Variants in MYRFL observed in about 807,000 individuals in gnomAD.
MYRFL encodes myelin regulatory factor like, also known as myelin regulatory factor-like protein.
MYRFL carries 88 observed loss-of-function variants against 109.4 expected under a neutral mutation model. That is an observed-to-expected ratio of 0.80 (90% CI 0.68 to 0.96). The LOEUF (loss-of-function observed/expected upper bound fraction) is 0.96. MYRFL is among the 40% of genes least tolerant of loss of function. MYRFL has a pLI of 0.00. For missense variants in MYRFL, 957 were observed against 954.9 expected (o/e 1.00, Z -0.03); for synonymous variants, 324 against 320.9 (o/e 1.01, Z -0.10).
chr12:69,871,771 T>C (rs937606079), intron 2 of MYRFL, among the ~76,000 whole-genome samples: 2 of 152,172 alleles, frequency 1.3e-5, no homozygotes, highest in Non-Finnish European at 2.9e-5. Flanking sequence ...TTCATTTTTT[T>C]TTGCTTTGTT....
At chr12:69,930,526 A>C (rs1158849204) in intron 15 of MYRFL, among the ~76,000 whole-genome samples, 1 of 152,154 alleles carries the variant, frequency 6.6e-6, no homozygotes, top group Non-Finnish European at 1.5e-5. Context: ...GGAAAGGGAA[A>C]GAATGAAGAC....
At chr12:69,858,004 A>G (rs1884404064) in intron 2 of MYRFL, among the ~76,000 whole-genome samples, 1 of 151,652 alleles carries the variant, frequency 6.6e-6, no homozygotes, top group Admixed American at 6.6e-5. Flanking sequence ...CTTTTTTTTT[A>G]ACCATGCCCT....
Position 69,879,351 on chromosome 12 carries a change from A to G in MYRFL, c.362A>G (p.His121Arg), listed in dbSNP as rs1416116234. Residue 121 changes from histidine to arginine, a missense_variant, in exon 4 of 25, where the codon CAC becomes CGC. His to Arg is a conservative substitution (Grantham distance 29). Coordinates refer to ENST00000552032, the MANE Select transcript of MYRFL (RefSeq NM_182530.3). ...ATCCACGGAGGCTTTCACAGCTGCCACTCAAACGCCAGTCATCTTGCCACC... is the reference window on the plus strand; with the variant it reads ...ATCCACGGAGGCTTTCACAGCTGCCGCTCAAACGCCAGTCATCTTGCCACC... ...CQIHGGFHSC[H>R]SNASHLATPL... 2.8e-6 allele frequency: 2 copies of G among 702,696 alleles called. No individual in the cohort carries two copies. The highest frequency in any genetic ancestry group is 2.7e-5 in the East Asian group (1 of 37,280). The allele number at this position is 702,696 out of a possible 1,614,324, so 43.5% of individuals were successfully genotyped here.
At chr12:69,938,817 C>T (rs1005560321) in intron 19 of MYRFL, among the ~76,000 whole-genome samples, 7 of 152,146 alleles carry the variant, frequency 4.6e-5, no homozygotes, top group East Asian at 1.9e-4. Flanking sequence ...AGACAGTGGG[C>T]GCAGGTCAGT....
chr12:69,880,733 C>G (rs1296357612), intron 5 of MYRFL, among the ~76,000 whole-genome samples: 1 of 152,190 alleles, frequency 6.6e-6, no homozygotes, highest in East Asian at 1.9e-4. Flanking sequence ...TTCTGCATTT[C>G]TAACAAGCTC....
intron 1 of MYRFL, among the ~76,000 whole-genome samples, chr12:69,854,118 G>T (rs931707391): frequency 1.3e-5 from 2 of 152,232 alleles, no homozygotes. Flanking sequence ...GCCGAGGCGG[G>T]CAGATCACTC....
At chr12:69,877,213 C>T (rs994079491) in intron 2 of MYRFL, among the ~76,000 whole-genome samples, 9 of 151,784 alleles carry the variant, frequency 5.9e-5, no homozygotes, top group Non-Finnish European at 8.8e-5. Flanking sequence ...TTAGTAGAGA[C>T]GGAGTTTCAC....
intron 1 of MYRFL, among the ~76,000 whole-genome samples, chr12:69,836,643 C>T (rs188267346): frequency 1.7e-3 from 252 of 152,312 alleles, no homozygotes; most frequent in Non-Finnish European, 2.4e-3. Flanking sequence ...TATTATCCAT[C>T]CATCTCAAGT....
chr12:69,847,384 A>G (rs1883622170), intron 1 of MYRFL, among the ~76,000 whole-genome samples: 1 of 152,224 alleles, frequency 6.6e-6, no homozygotes, highest in African/African-American at 2.4e-5. Context: ...TTCAACAAAT[A>G]TTGTTTTTTT....
intron 13 of MYRFL, among the ~76,000 whole-genome samples, chr12:69,921,936 C>T (rs1954927226): frequency 6.6e-6 from 1 of 152,084 alleles, no homozygotes; most frequent in African/African-American, 2.4e-5. Flanking sequence ...TATAATTCTC[C>T]ATAGTCTGCT....
chr12:69,853,940 G>C (rs1032410027), intron 1 of MYRFL, among the ~76,000 whole-genome samples: 2 of 152,154 alleles, frequency 1.3e-5, no homozygotes, highest in Admixed American at 6.5e-5. Context: ...CTTCCCAGAC[G>C]GGGTGGCGGC....
At chr12:69,855,391 T>A in intron 2 of MYRFL, 21 bp downstream of exon 2, 3 of 701,406 alleles carry the variant, frequency 4.3e-6, no homozygotes, top group Non-Finnish European at 7.8e-6. Flanking sequence ...AGAGCACTGC[T>A]CTCTAGTTGA....
At chr12:69,828,883 C>T (rs1245609333) in intron 1 of MYRFL, among the ~76,000 whole-genome samples, 1 of 151,972 alleles carries the variant, frequency 6.6e-6, no homozygotes. Context: ...GATTTGAAAA[C>T]AGTATTGTTG....
chr12:69,863,742 G>T (rs1884841053), intron 2 of MYRFL, among the ~76,000 whole-genome samples: 2 of 152,122 alleles, frequency 1.3e-5, no homozygotes, highest in South Asian at 4.1e-4. Context: ...ATTTTTGTTG[G>T]TCTTCTTCAT....
At chr12:69,930,329 A>G (rs199708687) in intron 15 of MYRFL, among the ~76,000 whole-genome samples, 1 of 152,156 alleles carries the variant, frequency 6.6e-6, no homozygotes, top group East Asian at 1.9e-4. Flanking sequence ...GATGGTGTTC[A>G]TTCTGGAGGA....
In MYRFL at chr12:69,879,452, G is replaced by A. The variant is rs1273150297; in HGVS notation, c.463G>A (p.Gly155Arg). 1.4e-6 allele frequency: 1 copy of A among 700,082 alleles called. No homozygotes were observed. Among genetic ancestry groups the A allele is most frequent in the Non-Finnish European group, 2.6e-6 (1 of 383,538 alleles). 43.4% of individuals were successfully genotyped at this position (700,082 alleles called of 1,614,324 possible). A position where few individuals can be genotyped will look rare whatever the true frequency, so the allele number is the denominator to read the frequency against. ...TCAGCAGCCTCTGTGTCACAGCCCT[G>A]GGTAAAGAAAAAGATATTTAGTTAT... is the stretch of plus-strand genomic sequence containing the variant. ...YPQQPLCHSP[G>R]ASLPPTKKRK... The change falls in exon 4 of 25, where the codon GGA (glycine) becomes AGA (arginine). Residue 155 changes from glycine (G) to arginine (R), a missense_variant and splice_region_variant. By Grantham distance (125) the Gly-to-Arg change is moderately radical. Coordinates refer to ENST00000552032, the MANE Select transcript of MYRFL (RefSeq NM_182530.3).
chr12:69,840,759 A>T (rs901638273), intron 1 of MYRFL, among the ~76,000 whole-genome samples: 2 of 152,138 alleles, frequency 1.3e-5, no homozygotes, highest in Middle Eastern at 3.2e-3. Flanking sequence ...AGACACATGC[A>T]GGTTTCTGGA....
chr12:69,938,956 CT>C (rs1269295585), intron 19 of MYRFL, among the ~76,000 whole-genome samples: 1 of 152,204 alleles, frequency 6.6e-6, no homozygotes, highest in Non-Finnish European at 1.5e-5. Context: ...AATCGGGTCA[CT>C]CCCACCCGAA....
intron 1 of MYRFL, among the ~76,000 whole-genome samples, chr12:69,829,588 G>A (rs1246239680): frequency 1.3e-5 from 2 of 152,090 alleles, no homozygotes; most frequent in Non-Finnish European, 2.9e-5. Context: ...AAAGAACAGT[G>A]CAAAAGACTA....
Sources: gnomAD v4.1 joint callset for allele counts (sites outside exome capture counted in the v4.1 genomes callset) on GRCh38, gnomAD v4.1.1 for gene constraint, MANE v1.5 for transcripts, NCBI Gene and HGNC (gene_info 2026-07-23, HGNC 2026-07-21) for gene names.